The following LCORL variants were observed in gnomAD, a reference collection of about 807,000 sequenced individuals.
LCORL encodes ligand-dependent nuclear receptor corepressor-like protein.
A neutral mutation model predicts 141.8 loss-of-function variants in LCORL; 41 were observed. The ratio of observed to expected loss-of-function variants is 0.29; its 90% CI spans 0.23 to 0.38. The LOEUF is 0.38. LCORL is among the 10% of genes least tolerant of loss of function. The probability of loss-of-function intolerance (pLI) is 1.00; values close to 1 mark genes in which losing one functional copy is unlikely to be tolerated. For synonymous variants in LCORL, 618 were observed against 694.1 expected (o/e 0.89, Z 1.72); for missense variants, 1,759 against 2,035.0 (o/e 0.86, Z 2.61).
intron 7 of LCORL, among the ~76,000 whole-genome samples, chr4:17,850,290 TTAAAC>T (rs1462907936): frequency 6.8e-6 from 1 of 147,376 alleles, no homozygotes; most frequent in African/African-American, 2.5e-5. Context: ...TGGGATCTAA[TTAAAC>T]TAAAGAGCTT....
intron 7 of LCORL, among the ~76,000 whole-genome samples, chr4:17,856,127 A>C (rs951792245): frequency 2.6e-5 from 4 of 152,226 alleles, no homozygotes; most frequent in Non-Finnish European, 5.9e-5. Context: ...TACTCCATTA[A>C]AATAGCACTT....
chr4:17,846,863 C>G (rs573219707), intron 7 of LCORL, among the ~76,000 whole-genome samples: 4 of 152,138 alleles, frequency 2.6e-5, no homozygotes, highest in Non-Finnish European at 5.9e-5. Context: ...GGATTGTGAA[C>G]TATTTGGGGT....
chr4:18,001,803 A>G (rs989717495), intron 1 of LCORL, among the ~76,000 whole-genome samples: 14 of 152,226 alleles, frequency 9.2e-5, no homozygotes, highest in African/African-American at 3.1e-4. Flanking sequence ...CATTTTATGG[A>G]TTTTAATTCT....
intron 1 of LCORL, among the ~76,000 whole-genome samples, chr4:18,004,347 T>C (rs1373054888): frequency 6.6e-6 from 1 of 152,202 alleles, no homozygotes; most frequent in Admixed American, 6.5e-5. Flanking sequence ...TTTATCAGAC[T>C]TACAGTTCCA....
At chr4:17,848,001 G>C (rs1338532101) in intron 7 of LCORL, among the ~76,000 whole-genome samples, 2 of 152,140 alleles carry the variant, frequency 1.3e-5, no homozygotes, top group African/African-American at 2.4e-5. Flanking sequence ...TTTGCTATTT[G>C]ACTAAGGTGT....
At chr4:17,939,278 T>C (rs1737418860) in intron 4 of LCORL, among the ~76,000 whole-genome samples, 2 of 152,210 alleles carry the variant, frequency 1.3e-5, no homozygotes, top group Admixed American at 6.5e-5. Flanking sequence ...ATAACATCAA[T>C]TGCTCAAAGG....
intron 4 of LCORL, among the ~76,000 whole-genome samples, chr4:17,910,132 A>T (rs956401116): frequency 6.6e-6 from 1 of 152,228 alleles, no homozygotes; most frequent in Non-Finnish European, 1.5e-5. Context: ...AATAAAGTTC[A>T]ACAGTAATAA....
At chr4:17,901,712 G>A (rs910051627) in intron 5 of LCORL, among the ~76,000 whole-genome samples, 5 of 151,902 alleles carry the variant, frequency 3.3e-5, no homozygotes, top group African/African-American at 9.7e-5. Context: ...TAGCAGTAGA[G>A]TATATAACTT....
chr4:18,016,802 A>C (rs924162877), intron 1 of LCORL, among the ~76,000 whole-genome samples: 2 of 152,146 alleles, frequency 1.3e-5, no homozygotes, highest in Non-Finnish European at 2.9e-5. Context: ...ACTGTTATGT[A>C]GGAAAGATAC....
chr4:17,926,411 C>T (rs1312144177), intron 4 of LCORL, among the ~76,000 whole-genome samples: 1 of 152,228 alleles, frequency 6.6e-6, no homozygotes, highest in Non-Finnish European at 1.5e-5. Flanking sequence ...CTTCCTCTTT[C>T]TCCTGTGCTG....
intron 7 of LCORL, among the ~76,000 whole-genome samples, chr4:17,851,294 A>T (rs553343345): frequency 6.6e-6 from 1 of 152,186 alleles, no homozygotes; most frequent in Admixed American, 6.5e-5. Flanking sequence ...AAAAAAAATC[A>T]GTGAAAAATG....
rs1560331411 is a variant in LCORL at position 17,912,736 on chromosome 4, G to A, written c.431-3391C>T. The A allele has an allele frequency of 1.2e-5, 5 of 402,532 alleles. No individual in the cohort carries two copies. The Admixed American group carries it at 1.5e-4, about 12-fold the overall frequency. 24.9% of individuals were successfully genotyped at this position (402,532 alleles called of 1,614,324 possible). On this transcript the variant is annotated intron_variant, in intron 4 of 7. Coordinates refer to ENST00000635767, the Ensembl canonical transcript of LCORL. ...ATGGGCTCCTCCTGCACCTGGAGTC[G>A]GAGCTGGCACAGACCCGGGCAAAGA...
intron 4 of LCORL, among the ~76,000 whole-genome samples, chr4:17,948,340 G>C (rs1739209238): frequency 6.6e-6 from 1 of 151,906 alleles, no homozygotes; most frequent in Non-Finnish European, 1.5e-5. Flanking sequence ...CTGGAGAGCA[G>C]AATAGGAAAC....
intron 4 of LCORL, among the ~76,000 whole-genome samples, chr4:17,927,880 G>A (rs995933778): frequency 2.6e-5 from 4 of 152,104 alleles, no homozygotes; most frequent in African/African-American, 9.7e-5. Context: ...TAAGGAAAAC[G>A]GCGCAAACAG....
intron 1 of LCORL, among the ~76,000 whole-genome samples, chr4:18,016,343 T>C (rs1453935017): frequency 6.6e-6 from 1 of 152,186 alleles, no homozygotes; most frequent in Non-Finnish European, 1.5e-5. Context: ...AACAACAGGA[T>C]TCAAACACAA....
intron 1 of LCORL, among the ~76,000 whole-genome samples, chr4:17,973,590 TATG>T (rs1716385170): frequency 6.6e-6 from 1 of 151,658 alleles, no homozygotes; most frequent in South Asian, 2.1e-4. Context: ...CAAAAAAAAA[TATG>T]ATCCTGATGG....
intron 7 of LCORL, among the ~76,000 whole-genome samples, chr4:17,869,852 AG>A (rs1198028564): frequency 6.6e-6 from 1 of 152,188 alleles, no homozygotes; most frequent in Non-Finnish European, 1.5e-5. Context: ...CTATCTTAGT[AG>A]ATCTTACTAT....
At chr4:17,913,931 G>C (rs973225639) in intron 4 of LCORL, among the ~76,000 whole-genome samples, 4 of 152,170 alleles carry the variant, frequency 2.6e-5, no homozygotes, top group African/African-American at 9.7e-5. Flanking sequence ...CTTATGTTGG[G>C]AAATAAACTT....
In LCORL at chr4:17,890,610, G is replaced by A. The variant is rs148627002; in HGVS notation, c.683-4449C>T. On this transcript the variant is annotated intron_variant, in intron 5 of 7. Coordinates refer to ENST00000635767, the Ensembl canonical transcript of LCORL. ...AAATACAAAATTGTTTTCATTTACT[G>A]GTTGGAGACGGGTCATTTAACACTA... is the stretch of plus-strand genomic sequence containing the variant. Among the ~76,000 whole-genome samples, 397 of 152,080 alleles carry A rather than the reference G, an allele frequency of 2.6e-3. 3 individuals carry two copies. The highest frequency in any genetic ancestry group is 8.9e-3 in the African/African-American group (370 of 41,532).
Sources: allele counts gnomAD v4.1 joint callset (sites outside exome capture counted in the v4.1 genomes callset), GRCh38; gene constraint gnomAD v4.1.1; transcripts MANE v1.5; gene names NCBI Gene and HGNC (gene_info 2026-07-23, HGNC 2026-07-21).